Variants in RBFOX1 observed in about 807,000 individuals in gnomAD.
RBFOX1 encodes RNA binding fox-1 homolog 1, also known as RNA binding protein fox-1 homolog 1.
In RBFOX1, 8 loss-of-function variants were observed where a neutral mutation model predicts 57.7. That is an observed-to-expected ratio of 0.14 (90% CI 0.08 to 0.25). RBFOX1 has a LOEUF of 0.25. Among genes scored for constraint, RBFOX1 ranks in the 10% least tolerant of loss-of-function variants. The pLI is 1.00. For missense variants in RBFOX1, 611 were observed against 548.5 expected, an observed-to-expected ratio of 1.11 and a Z score of -1.14; for synonymous variants, 326 against 222.4, an observed-to-expected ratio of 1.47 and a Z score of -4.15.
At chr16:6,005,137 G>A (rs1458636712) in intron 4 of RBFOX1, among the ~76,000 whole-genome samples, 1 of 152,184 alleles carries the variant, frequency 6.6e-6, no homozygotes, top group African/African-American at 2.4e-5. Context: ...GAGACACACA[G>A]ACAGTAATAG....
intron 2 of RBFOX1, among the ~76,000 whole-genome samples, chr16:6,564,075 C>G (rs1387339083): frequency 6.6e-6 from 1 of 152,148 alleles, no homozygotes; most frequent in African/African-American, 2.4e-5. Flanking sequence ...CAACCTTAAC[C>G]TCACAATCAC....
chr16:6,887,049 C>G (rs1192257825), intron 3 of RBFOX1, among the ~76,000 whole-genome samples: 1 of 152,164 alleles, frequency 6.6e-6, no homozygotes, highest in Non-Finnish European at 1.5e-5. Context: ...AGTCTCCATA[C>G]TTGGTTGTAT....
chr16:5,271,945 G>T (rs553055737), intron 1 of RBFOX1, among the ~76,000 whole-genome samples: 197 of 152,284 alleles, frequency 1.3e-3, no homozygotes, highest in Non-Finnish European at 2.3e-3. Context: ...TTTTTTAAGG[G>T]TTAATAGTAT....
chr16:6,616,508 C>G (rs2098142989), intron 2 of RBFOX1, among the ~76,000 whole-genome samples: 1 of 152,214 alleles, frequency 6.6e-6, no homozygotes, highest in African/African-American at 2.4e-5. Context: ...AACCCCGACT[C>G]TACTAAAAAT....
At chr16:6,992,190 G>C (rs937474593) in intron 3 of RBFOX1, among the ~76,000 whole-genome samples, 10 of 150,104 alleles carry the variant, frequency 6.7e-5, no homozygotes, top group East Asian at 2.0e-4. Context: ...TTGAGATGGA[G>C]TCTCACTCTG....
chr16:7,170,490 G>A (rs557703628), intron 4 of RBFOX1, among the ~76,000 whole-genome samples: 7 of 151,948 alleles, frequency 4.6e-5, no homozygotes, highest in Admixed American at 2.0e-4. Context: ...TGCCCATATT[G>A]GTCTCAAATT....
chr16:6,661,386 A>G (rs1026026441), intron 3 of RBFOX1, among the ~76,000 whole-genome samples: 3 of 152,186 alleles, frequency 2.0e-5, no homozygotes, highest in East Asian at 1.9e-4. Context: ...TGGCGAATGC[A>G]AGTCCAGTGT....
chr16:6,297,052 C>T (rs1020546713), intron 1 of RBFOX1, among the ~76,000 whole-genome samples: 1 of 152,090 alleles, frequency 6.6e-6, no homozygotes, highest in African/African-American at 2.4e-5. Flanking sequence ...CTTTTTAGAC[C>T]ACAGAGGGTA....
At chr16:6,224,032 G>A (rs2097397542) in intron 1 of RBFOX1, among the ~76,000 whole-genome samples, 1 of 152,014 alleles carries the variant, frequency 6.6e-6, no homozygotes, top group African/African-American at 2.4e-5. Flanking sequence ...CGTTATTTCT[G>A]AGGGCTCTGT....
intron 3 of RBFOX1, among the ~76,000 whole-genome samples, chr16:6,722,840 T>C (rs575192873): frequency 6.6e-6 from 1 of 152,300 alleles, no homozygotes; most frequent in South Asian, 2.1e-4. Flanking sequence ...TATTCATCAG[T>C]AAGAAATCCA....
At chr16:7,086,212 A>G in intron 4 of RBFOX1, among the ~76,000 whole-genome samples, 1 of 152,062 alleles carries the variant, frequency 6.6e-6, no homozygotes, top group East Asian at 1.9e-4. Context: ...ATGCTTTTTA[A>G]TTGTTTAGGT....
At chr16:6,066,409 A>G (rs1328053552) in intron 1 of RBFOX1, among the ~76,000 whole-genome samples, 1 of 151,834 alleles carries the variant, frequency 6.6e-6, no homozygotes, top group Admixed American at 6.6e-5. Flanking sequence ...AGCATCAGCT[A>G]TTATTGAAAA....
Position 6,254,637 on chromosome 16 carries a change from C to G in RBFOX1, c.-126-62358C>G, listed in dbSNP as rs1049487106. Among the ~76,000 whole-genome samples, 12 of 152,118 alleles carry G rather than the reference C, an allele frequency of 7.9e-5. 1 individual carries two copies. The South Asian group carries it at 2.1e-3, about 26-fold the overall frequency. On this transcript the variant is annotated intron_variant, in intron 1 of 15. Coordinates refer to ENST00000550418, the MANE Select transcript of RBFOX1 (RefSeq NM_018723.4). ...TTCATAAACCTTTGACTGATGCAAT[C>G]TAGTCTCTGCGTGAAATTCCATTCA...
At chr16:6,252,990 C>T (rs1008342283) in intron 1 of RBFOX1, among the ~76,000 whole-genome samples, 1 of 152,158 alleles carries the variant, frequency 6.6e-6, no homozygotes, top group African/African-American at 2.4e-5. Context: ...CGTAATATCT[C>T]TGTGAGGTAG....
intron 1 of RBFOX1, among the ~76,000 whole-genome samples, chr16:5,324,857 A>C (rs1381860201): frequency 6.6e-6 from 1 of 152,124 alleles, no homozygotes; most frequent in Non-Finnish European, 1.5e-5. Flanking sequence ...ATTGGAGAAA[A>C]TAACTATCAT....
At chr16:6,560,128 C>G (rs1425349273) in intron 2 of RBFOX1, among the ~76,000 whole-genome samples, 2 of 145,366 alleles carry the variant, frequency 1.4e-5, no homozygotes, top group African/African-American at 5.1e-5. Context: ...GGTAATCACT[C>G]TGTTATTCTG....
At chr16:6,309,427 G>T (rs941819176) in intron 1 of RBFOX1, among the ~76,000 whole-genome samples, 1 of 152,172 alleles carries the variant, frequency 6.6e-6, no homozygotes, top group African/African-American at 2.4e-5. Context: ...CCAGGAACCA[G>T]GGACCCAAAC....
At chr16:6,352,739 A>G (rs960422040) in intron 2 of RBFOX1, among the ~76,000 whole-genome samples, 2 of 152,218 alleles carry the variant, frequency 1.3e-5, no homozygotes, top group African/African-American at 2.4e-5. Flanking sequence ...AAAACTTTTC[A>G]ATCCCATCCA....
chr16:6,904,898 CCT>C (rs1314065436), intron 3 of RBFOX1, among the ~76,000 whole-genome samples: 23 of 152,244 alleles, frequency 1.5e-4, no homozygotes, highest in Middle Eastern at 3.4e-3. Context: ...TACAAATTCC[CCT>C]GTTCCCAATT....
Sources: gnomAD v4.1 joint callset for allele counts (sites outside exome capture counted in the v4.1 genomes callset) on GRCh38, gnomAD v4.1.1 for gene constraint, MANE v1.5 for transcripts, NCBI Gene and HGNC (gene_info 2026-07-23, HGNC 2026-07-21) for gene names.